The following KLRD1 variants were observed in gnomAD, a reference collection of about 807,000 sequenced individuals.
The protein encoded by KLRD1 is natural killer cells antigen CD94.
KLRD1 carries 21 observed loss-of-function variants against 22.6 expected under a neutral mutation model. That is an observed-to-expected ratio of 0.93 (90% CI 0.66 to 1.34). The LOEUF is 1.34. Among genes scored for constraint, KLRD1 ranks in the 40% most tolerant of loss-of-function variants. The pLI, the probability that KLRD1 is intolerant of heterozygous loss-of-function variation, is 0.00. For synonymous variants in KLRD1, 59 were observed against 71.1 expected, an observed-to-expected ratio of 0.83 and a Z score of 0.85; for missense variants, 183 against 208.6, an observed-to-expected ratio of 0.88 and a Z score of 0.76.
chr12:10,293,626 TA>T (rs1949796902), intron 1 of KLRD1, among the ~76,000 whole-genome samples: 1 of 152,060 alleles, frequency 6.6e-6, no homozygotes. Context: ...GCAATAATAG[TA>T]AAAAAGTTTT....
At chr12:10,309,763 G>A (rs1950014997) in intron 3 of KLRD1, 75 bp downstream of exon 3, 1 of 998,854 alleles carries the variant, frequency 1.0e-6, no homozygotes, top group Non-Finnish European at 1.6e-6. Flanking sequence ...CACACAGAGA[G>A]GCATGATGGA....
chr12:10,307,907 C>G lies in KLRD1; in HGVS notation c.-171C>G. ...ATACATGTCTCACCAATAGATGATT[C>G]AAGAACATCATTTAAATACACAATT... On this transcript the variant is annotated 5_prime_UTR_variant, in exon 1 of 6. Coordinates refer to ENST00000336164, the MANE Select transcript of KLRD1 (RefSeq NM_002262.5). 1 of 627,466 alleles carries G rather than the reference C, an allele frequency of 1.6e-6. No individual in the cohort carries two copies. The highest frequency in any genetic ancestry group is 2.8e-5 in the East Asian group (1 of 36,288). 38.9% of individuals were successfully genotyped at this position (627,466 alleles called of 1,614,324 possible). A position where few individuals can be genotyped will look rare whatever the true frequency, so the allele number is the denominator to read the frequency against.
At chr12:10,267,710 T>C (rs1223386663) in intron 1 of KLRD1, among the ~76,000 whole-genome samples, 1 of 152,346 alleles carries the variant, frequency 6.6e-6, no homozygotes, top group East Asian at 1.9e-4. Context: ...GCACATGCTC[T>C]ATGGCTAGAA....
At chr12:10,313,972 T>C (rs967265301) in intron 5 of KLRD1, among the ~76,000 whole-genome samples, 5 of 152,196 alleles carry the variant, frequency 3.3e-5, no homozygotes, top group African/African-American at 1.2e-4. Flanking sequence ...GAAGTGCATT[T>C]TTCCTAAATC....
intron 1 of KLRD1, among the ~76,000 whole-genome samples, chr12:10,296,387 A>G (rs1354066797): frequency 2.0e-5 from 3 of 152,094 alleles, no homozygotes; most frequent in Non-Finnish European, 2.9e-5. Flanking sequence ...GTGGTGGCGG[A>G]CACCTGTAAT....
intron 1 of KLRD1, chr12:10,308,324 C>G: frequency 2.0e-6 from 1 of 495,454 alleles, no homozygotes; most frequent in Non-Finnish European, 3.6e-6. Flanking sequence ...ACAGGGCTAC[C>G]TTTAAATTCT....
chr12:10,243,929 A>G (rs4237965), intron 1 of KLRD1, among the ~76,000 whole-genome samples: 114,353 of 152,004 alleles, frequency 0.75, 43,584 homozygotes, highest in East Asian at 1. Flanking sequence ...ATGCGGGACT[A>G]AAATAAGGTG....
At chr12:10,302,394 GGTAA>G (rs1234301006), upstream of KLRD1, among the ~76,000 whole-genome samples, 1 of 152,184 alleles carries the variant, frequency 6.6e-6, no homozygotes, top group Non-Finnish European at 1.5e-5. Flanking sequence ...GTCAGTGGCA[GGTAA>G]GTGTCACCCA....
At position 10,313,493 on chromosome 12, in the gene KLRD1, C is replaced by T; in HGVS notation, c.399C>T (p.Gly133=). 3.1e-6 allele frequency: 5 copies of T among 1,597,106 alleles called. No individual in the cohort carries two copies. The highest frequency in any genetic ancestry group is 4.3e-6 in the Non-Finnish European group (5 of 1,168,744). Residue 133 remains glycine, a synonymous_variant, in exon 5 of 6, where the codon GGC becomes GGT. Coordinates refer to ENST00000336164, the MANE Select transcript of KLRD1 (RefSeq NM_002262.5). ...EEHTAWLWEN[G]SALSQYLFPS... is the part of the protein sequence containing the mutation. ...ACACCGCCTGGTTGTGGGAGAATGG[C>T]TCTGCACTCTCCCAGTATCTGTAAG...
Position 10,293,167 on chromosome 12 carries a change from TACAC to T in KLRD1, c.-100-14809_-100-14806del, listed in dbSNP as rs199684484. Among the ~76,000 whole-genome samples the T allele has an allele frequency of 3.9e-3, 18 of 4,628 alleles. No individual in the cohort carries two copies. The Non-Finnish European group carries it at 0.13, about 34-fold the overall frequency. The allele number at this position is 4,628 out of a possible 152,430, so 3.0% of individuals were successfully genotyped here. On this transcript the variant is annotated intron_variant, in intron 1 of 5. Coordinates refer to the KLRD1 transcript ENST00000544747. Reference sequence around the variant, plus strand: ...CAGTAAAACTTTCTCCATATATATATACACATATACACATAATTCGCATGCTCAC... The same window carrying T: ...CAGTAAAACTTTCTCCATATATATATATATACACATAATTCGCATGCTCAC...
rs970027816 is a variant in KLRD1 at position 10,317,158 on chromosome 12, A to C, written c.*2365A>C. ...TAGTATTCCATGGTGTATATGTGCC[A>C]TATTTTCTTTATCCAGTCTATCACT... On this transcript the variant is annotated 3_prime_UTR_variant, in exon 6 of 6. Transcript: ENST00000336164. The C allele has an allele frequency of 2.0e-5, 3 of 152,170 alleles. No individual in the cohort carries two copies. The highest frequency in any genetic ancestry group is 7.2e-5 in the African/African-American group (3 of 41,426). 9.4% of individuals were successfully genotyped at this position (152,170 alleles called of 1,614,324 possible). A position where few individuals can be genotyped will look rare whatever the true frequency, so the allele number is the denominator to read the frequency against.
rs911642335 is a variant in KLRD1 at position 10,325,547 on chromosome 12, A to T, written c.*10754A>T. Reference sequence around the variant, plus strand: ...ATTTTTTCCTCTCTCCATTCCTGGCAACCACCATTCTATTCTCTGATTTTA... The same window carrying T: ...ATTTTTTCCTCTCTCCATTCCTGGCTACCACCATTCTATTCTCTGATTTTA... On this transcript the variant is annotated 3_prime_UTR_variant, in exon 6 of 6. Transcript: ENST00000336164. 2 of 152,296 alleles carry T rather than the reference A, an allele frequency of 1.3e-5. No individual in the cohort carries two copies. The highest frequency in any genetic ancestry group is 3.4e-3 in the Middle Eastern group (1 of 294). The allele number at this position is 152,296 out of a possible 1,614,324, so 9.4% of individuals were successfully genotyped here.
intron 1 of KLRD1, among the ~76,000 whole-genome samples, chr12:10,275,096 G>C (rs920736148): frequency 6.6e-6 from 1 of 152,020 alleles, no homozygotes; most frequent in Non-Finnish European, 1.5e-5. Context: ...CACCATGTTG[G>C]TCAGGCTGGT....
chr12:10,239,289 T>A (rs368269761), intron 1 of KLRD1, among the ~76,000 whole-genome samples: 8 of 152,314 alleles, frequency 5.3e-5, no homozygotes, highest in East Asian at 3.9e-4. Flanking sequence ...GAGCACGGGT[T>A]CTAATAAGCC....
intron 1 of KLRD1, chr12:10,308,318 G>T: frequency 7.9e-6 from 4 of 504,876 alleles, no homozygotes; most frequent in Non-Finnish European, 1.1e-5. Context: ...TTTCTGACAG[G>T]GCTACCTTTA....
chr12:10,251,158 T>C (rs1334811081), intron 1 of KLRD1, among the ~76,000 whole-genome samples: 1 of 152,168 alleles, frequency 6.6e-6, no homozygotes, highest in Non-Finnish European at 1.5e-5. Flanking sequence ...GGGGTCTCAC[T>C]CTGTTGCCCA....
intron 1 of KLRD1, among the ~76,000 whole-genome samples, chr12:10,256,726 A>G (rs1949399896): frequency 6.6e-6 from 1 of 152,026 alleles, no homozygotes; most frequent in South Asian, 2.1e-4. Context: ...TAAAAAGTGA[A>G]ATTACACACC....
Position 10,314,782 on chromosome 12 carries a change from C to T in KLRD1, c.529C>T (p.Gln177Ter), listed in dbSNP as rs1438064999. 6 of 1,605,098 alleles carry T rather than the reference C, an allele frequency of 3.7e-6. No individual in the cohort carries two copies. The African/African-American group carries it at 8.0e-5, about 22-fold the overall frequency. ...TAAAAATCGTTATATCTGTAAGCAA[C>T]AGCTCATTTAAATGTTTCTTGGGGC... The part of the protein sequence containing the change: ...EDKNRYICKQ[Q>*]LI Residue 177 changes from glutamine (Q) to a stop codon, truncating the protein, a stop_gained, in exon 6 of 6, where the codon CAG becomes TAG. Transcript: ENST00000336164. LOFTEE classifies it high-confidence loss of function.
Position 10,326,790 on chromosome 12 carries a change from T to C in KLRD1, c.*11997T>C, listed in dbSNP as rs1013941934. On this transcript the variant is annotated 3_prime_UTR_variant, in exon 6 of 6. Transcript: ENST00000336164. ...CAGTGAGCAAAGAGATGACTTTGAATAGAATGGGAGGCAGTTTTGCCCTAA... is the reference window on the plus strand; with the variant it reads ...CAGTGAGCAAAGAGATGACTTTGAACAGAATGGGAGGCAGTTTTGCCCTAA... 6 of 152,210 alleles carry C rather than the reference T, an allele frequency of 3.9e-5. No homozygotes were observed. The highest frequency in any genetic ancestry group is 1.4e-4 in the African/African-American group (6 of 41,462). 9.4% of individuals were successfully genotyped at this position (152,210 alleles called of 1,614,324 possible). A position where few individuals can be genotyped will look rare whatever the true frequency, so the allele number is the denominator to read the frequency against.
Sources: gnomAD v4.1 joint callset for allele counts (sites outside exome capture counted in the v4.1 genomes callset) on GRCh38, gnomAD v4.1.1 for gene constraint, MANE v1.5 for transcripts, NCBI Gene and HGNC (gene_info 2026-07-23, HGNC 2026-07-21) for gene names.